The following LINGO2 variants were observed in gnomAD, a reference collection of about 807,000 sequenced individuals.
LINGO2 encodes leucine rich repeat and Ig domain containing 2.
A neutral mutation model predicts 30.6 loss-of-function variants in LINGO2; 14 were observed. The ratio of observed to expected loss-of-function variants is 0.46; its 90% CI spans 0.30 to 0.72. The LOEUF (loss-of-function observed/expected upper bound fraction) is 0.72, where lower values mean the gene tolerates loss of function less well. LINGO2 is among the 30% of genes least tolerant of loss of function. LINGO2 has a pLI of 0.07. For synonymous variants in LINGO2, 317 were observed against 288.5 expected, an observed-to-expected ratio of 1.10 and a Z score of -1.00; for missense variants, 729 against 751.7, an observed-to-expected ratio of 0.97 and a Z score of 0.35.
intron 4 of LINGO2, among the ~76,000 whole-genome samples, chr9:28,021,523 G>C (rs1823121820): frequency 6.6e-6 from 1 of 152,098 alleles, no homozygotes; most frequent in Non-Finnish European, 1.5e-5. Context: ...TGGTAGAGCT[G>C]TTTGGGTCAA....
chr9:28,378,036 T>A lies in LINGO2; in HGVS notation c.-278-5168A>T, dbSNP rs905581551. Among the ~76,000 whole-genome samples the A allele has an allele frequency of 2.0e-5, 3 of 152,300 alleles. No individual in the cohort carries two copies. In the East Asian group the frequency reaches 5.8e-4, roughly 29 times the overall value. On this transcript the variant is annotated intron_variant, in intron 2 of 5. Transcript: ENST00000379992. ...TTTTATTTCATTCACAACTCTTAAT[T>A]CTAGATCAAATCATTTATACTTTCT...
At chr9:28,639,603 T>C (rs996710451) in intron 1 of LINGO2, among the ~76,000 whole-genome samples, 7 of 152,174 alleles carry the variant, frequency 4.6e-5, no homozygotes, top group African/African-American at 1.4e-4. Flanking sequence ...TTGATCTTTG[T>C]TGGTTTAAAG....
At chr9:28,657,739 T>G (rs1595518) in intron 1 of LINGO2, among the ~76,000 whole-genome samples, 25,520 of 151,992 alleles carry the variant, frequency 0.17, 3,250 homozygotes, top group African/African-American at 0.36. Flanking sequence ...GTTTTTCTAC[T>G]ATCTATTTTG....
chr9:28,521,345 A>G (rs1351922760), intron 1 of LINGO2, among the ~76,000 whole-genome samples: 2 of 152,154 alleles, frequency 1.3e-5, no homozygotes, highest in African/African-American at 2.4e-5. Flanking sequence ...TATGAGTACT[A>G]AAACTCCAGG....
chr9:28,890,676 T>C, the LINGO2 span, among the ~76,000 whole-genome samples: 1 of 152,082 alleles, frequency 6.6e-6, no homozygotes. Flanking sequence ...ATTAAAATTG[T>C]TGAATATCTA....
At chr9:28,042,466 TA>T (rs537221309) in intron 4 of LINGO2, among the ~76,000 whole-genome samples, 183 of 152,338 alleles carry the variant, frequency 1.2e-3, no homozygotes, top group Middle Eastern at 6.8e-3. Context: ...GTCATATGAA[TA>T]TTTTTAATGG....
At chr9:28,543,434 T>C (rs1332853705) in intron 1 of LINGO2, among the ~76,000 whole-genome samples, 1 of 152,098 alleles carries the variant, frequency 6.6e-6, no homozygotes. Flanking sequence ...CAAGATCTCT[T>C]CATTTACGCC....
chr9:28,324,052 T>A lies in LINGO2; in HGVS notation c.-245-28686A>T, dbSNP rs78705866. Reference sequence around the variant, plus strand: ...TCTTATATAAACAAAAGCCTTGGTGTGTTATACTGAGGAAATTATTTGTCT... The same window carrying A: ...TCTTATATAAACAAAAGCCTTGGTGAGTTATACTGAGGAAATTATTTGTCT... On this transcript the variant is annotated intron_variant, in intron 3 of 5. Coordinates refer to ENST00000379992, the Ensembl canonical transcript of LINGO2. Among the ~76,000 whole-genome samples the A allele has an allele frequency of 0.015, 2,234 of 152,162 alleles. 125 individuals carry two copies. In the East Asian group the frequency reaches 0.18, roughly 12 times the overall value.
chr9:28,109,131 C>A (rs138536074), intron 4 of LINGO2, among the ~76,000 whole-genome samples: 1,622 of 152,246 alleles, frequency 0.011, 26 homozygotes, highest in African/African-American at 0.037. Flanking sequence ...ATAATCAGAA[C>A]CAATGACAAA....
In LINGO2 at chr9:28,048,861, TTG is replaced by T. The variant is rs1377878628; in HGVS notation, c.-86-36458_-86-36457del. 2.7e-5 allele frequency among the ~76,000 whole-genome samples: 4 copies of T among 150,906 alleles called. 1 individual carries two copies. The highest frequency in any genetic ancestry group is 4.2e-4 in the South Asian group (2 of 4,706). ...ATATGTAACTATATATATATGTAGT[TTG>T]TGTTTGTGTTTATGCCAACATATAT... is the stretch of plus-strand genomic sequence containing the variant. On this transcript the variant is annotated intron_variant, in intron 4 of 5. Transcript: ENST00000379992.
intron 2 of LINGO2, among the ~76,000 whole-genome samples, chr9:28,390,746 A>T (rs1006629207): frequency 2.6e-5 from 4 of 152,208 alleles, no homozygotes; most frequent in African/African-American, 9.7e-5. Flanking sequence ...TTCAATGTAG[A>T]CATAAATTCA....
the LINGO2 span, among the ~76,000 whole-genome samples, chr9:28,959,554 A>G: frequency 2.0e-5 from 3 of 150,940 alleles, no homozygotes; most frequent in Non-Finnish European, 2.9e-5. Context: ...TTTATCACTC[A>G]TATTCTCCTT....
chr9:28,165,592 C>G (rs1015426712), intron 4 of LINGO2, among the ~76,000 whole-genome samples: 1 of 152,124 alleles, frequency 6.6e-6, no homozygotes, highest in South Asian at 2.1e-4. Flanking sequence ...CAAGAAAATG[C>G]ATTCTGAAAT....
At chr9:28,579,828 A>G (rs1824169965) in intron 1 of LINGO2, among the ~76,000 whole-genome samples, 1 of 152,118 alleles carries the variant, frequency 6.6e-6, no homozygotes, top group Non-Finnish European at 1.5e-5. Flanking sequence ...GAAGAATGGT[A>G]TAGCGGGAGA....
At chr9:28,348,296 G>A (rs10757730) in intron 3 of LINGO2, among the ~76,000 whole-genome samples, 53,386 of 151,966 alleles carry the variant, frequency 0.35, 10,919 homozygotes, top group Non-Finnish European at 0.45. Flanking sequence ...TGTGTGCACC[G>A]TGCACGAGCC....
chr9:29,001,210 C>T, the LINGO2 span, among the ~76,000 whole-genome samples: 6 of 151,934 alleles, frequency 3.9e-5, no homozygotes, highest in Admixed American at 2.6e-4. Context: ...AATGAGATCT[C>T]GTTGTAGCCT....
At chr9:28,077,703 A>G (rs917953808) in intron 4 of LINGO2, among the ~76,000 whole-genome samples, 1 of 148,904 alleles carries the variant, frequency 6.7e-6, no homozygotes, top group Non-Finnish European at 1.5e-5. Context: ...AAGATGCAAA[A>G]AAATAAAAAC....
chr9:29,046,682 A>G, the LINGO2 span, among the ~76,000 whole-genome samples: 1 of 152,140 alleles, frequency 6.6e-6, no homozygotes, highest in Admixed American at 6.5e-5. Context: ...CCCAGGAAAG[A>G]GCAAAGATTT....
At chr9:28,699,645 T>C in the LINGO2 span, among the ~76,000 whole-genome samples, 1 of 152,088 alleles carries the variant, frequency 6.6e-6, no homozygotes, top group Non-Finnish European at 1.5e-5. Flanking sequence ...ATATTTTTTC[T>C]TCTTGCAGAG....
Sources: gnomAD v4.1 joint callset for allele counts (sites outside exome capture counted in the v4.1 genomes callset) on GRCh38, gnomAD v4.1.1 for gene constraint, MANE v1.5 for transcripts, NCBI Gene and HGNC (gene_info 2026-07-23, HGNC 2026-07-21) for gene names.